THRB: variants seen among roughly 807,000 people sequenced by gnomAD.
THRB encodes thyroid hormone receptor beta, also known as nuclear receptor subfamily 1 group A member 2.
THRB carries 12 observed loss-of-function variants against 47.8 expected under a neutral mutation model. The observed-to-expected ratio is 0.25, with a 90% CI of 0.16 to 0.41. The LOEUF is 0.41. Among genes scored for constraint, THRB ranks in the 10% least tolerant of loss-of-function variants. The probability of loss-of-function intolerance (pLI) is 1.00; values close to 1 mark genes in which losing one functional copy is unlikely to be tolerated. For synonymous variants in THRB, 218 were observed against 212.2 expected (o/e 1.03, Z -0.24); for missense variants, 348 against 589.2 (o/e 0.59, Z 4.24).
chr3:24,228,492 G>C (rs2047911244), intron 4 of THRB, among the ~76,000 whole-genome samples: 1 of 151,814 alleles, frequency 6.6e-6, no homozygotes, highest in African/African-American at 2.4e-5. Context: ...ACATACACCG[G>C]GTGCAGTGGC....
In THRB at chr3:24,165,309, C is replaced by T. The variant is rs146242510; in HGVS notation, c.284-12819G>A. On this transcript the variant is annotated intron_variant, in intron 5 of 10. Coordinates refer to ENST00000646209, the MANE Select transcript of THRB (RefSeq NM_001354712.2). Reference sequence around the variant, plus strand: ...GTGGACTGCATGTAGCAATTGCTGCCGGCAGCTGGGTGCACTTCATATATT... The same window carrying T: ...GTGGACTGCATGTAGCAATTGCTGCTGGCAGCTGGGTGCACTTCATATATT... The T allele has an allele frequency of 3.6e-4, 272 of 764,940 alleles. 1 individual carries two copies. Among genetic ancestry groups the T allele is most frequent in the East Asian group, 2.9e-3 (120 of 41,238 alleles). The allele number at this position is 764,940 out of a possible 1,614,324, so 47.4% of individuals were successfully genotyped here.
At chr3:24,369,158 T>G (rs1253861949) in intron 1 of THRB, among the ~76,000 whole-genome samples, 1 of 152,118 alleles carries the variant, frequency 6.6e-6, no homozygotes. Context: ...AAAGACATCT[T>G]ATATGTTTGC....
chr3:24,303,301 T>C (rs73148368), intron 2 of THRB, among the ~76,000 whole-genome samples: 131 of 152,286 alleles, frequency 8.6e-4, no homozygotes, highest in African/African-American at 3.1e-3. Context: ...GTGAGGTGAG[T>C]GTTTGGGCCA....
At chr3:24,407,855 G>C (rs1318603892) in intron 1 of THRB, among the ~76,000 whole-genome samples, 1 of 151,768 alleles carries the variant, frequency 6.6e-6, no homozygotes, top group African/African-American at 2.4e-5. Flanking sequence ...TCTCATCTTT[G>C]GTGAAATTTG....
intron 1 of THRB, among the ~76,000 whole-genome samples, chr3:24,475,411 A>G (rs1164768257): frequency 6.6e-6 from 1 of 152,164 alleles, no homozygotes; most frequent in Non-Finnish European, 1.5e-5. Flanking sequence ...TTCTTATACT[A>G]ATTTTCAAAT....
intron 3 of THRB, among the ~76,000 whole-genome samples, chr3:24,231,564 T>C (rs1399230807): frequency 6.6e-6 from 1 of 152,180 alleles, no homozygotes; most frequent in Non-Finnish European, 1.5e-5. Flanking sequence ...ATTAATAGTA[T>C]ACTAGTGTTA....
chr3:24,163,677 G>A (rs924267077), intron 5 of THRB, among the ~76,000 whole-genome samples: 10 of 152,152 alleles, frequency 6.6e-5, no homozygotes, highest in Non-Finnish European at 7.4e-5. Context: ...GACTTACCCT[G>A]TGTATCCCTT....
chr3:24,128,137 T>C (rs1046929375), intron 9 of THRB, among the ~76,000 whole-genome samples: 1 of 152,128 alleles, frequency 6.6e-6, no homozygotes, highest in African/African-American at 2.4e-5. Flanking sequence ...TTTTGTTTGT[T>C]TGGTTTTTTG....
intron 3 of THRB, among the ~76,000 whole-genome samples, chr3:24,240,843 C>CTG (rs1559706538): frequency 1.1e-3 from 175 of 152,240 alleles, no homozygotes; most frequent in African/African-American, 4.1e-3. Context: ...TGAGAACCAC[C>CTG]AGCCTGATCC....
intron 1 of THRB, among the ~76,000 whole-genome samples, chr3:24,481,219 G>A (rs981548067): frequency 8.1e-4 from 85 of 104,492 alleles, no homozygotes; most frequent in African/African-American, 3.5e-3. Context: ...GTGTGGATGC[G>A]TTTCTTTCTG....
At chr3:24,379,388 C>G (rs2149826043) in intron 1 of THRB, among the ~76,000 whole-genome samples, 1 of 152,182 alleles carries the variant, frequency 6.6e-6, no homozygotes, top group South Asian at 2.1e-4. Flanking sequence ...GTCAAGGGTA[C>G]AAAATCTTGA....
At chr3:24,267,881 C>T (rs826233) in intron 3 of THRB, among the ~76,000 whole-genome samples, 135,146 of 152,220 alleles carry the variant, frequency 0.89, 60,450 homozygotes, top group African/African-American at 0.97. Context: ...CTGAAGAAAG[C>T]CTTCCTTATC....
At chr3:24,379,293 T>A (rs536208565) in intron 1 of THRB, among the ~76,000 whole-genome samples, 11 of 152,210 alleles carry the variant, frequency 7.2e-5, no homozygotes, top group African/African-American at 2.6e-4. Flanking sequence ...AGCAAAGGTT[T>A]CCAATTAGGT....
intron 8 of THRB, among the ~76,000 whole-genome samples, chr3:24,141,068 G>T (rs1007389541): frequency 2.0e-5 from 3 of 152,214 alleles, no homozygotes; most frequent in Non-Finnish European, 2.9e-5. Context: ...ATTTACATTT[G>T]AATCAAGATG....
intron 3 of THRB, among the ~76,000 whole-genome samples, chr3:24,269,403 GCACACACACACACACACACA>G (rs200586026): frequency 0.012 from 873 of 72,688 alleles, 15 homozygotes; most frequent in African/African-American, 0.036. Context: ...GCGCGCGCGC[GCACACACACACACACACACA>G]CACACACACA....
Position 24,371,631 on chromosome 3 carries a change from C to A in THRB, c.-260-34260G>T, listed in dbSNP as rs150458718. Among the ~76,000 whole-genome samples the A allele has an allele frequency of 7.9e-3, 1,202 of 152,132 alleles. 15 individuals carry two copies. The highest frequency in any genetic ancestry group is 0.027 in the African/African-American group (1,115 of 41,508). On this transcript the variant is annotated intron_variant, in intron 1 of 10. Coordinates refer to ENST00000646209, the MANE Select transcript of THRB (RefSeq NM_001354712.2). Reference sequence around the variant, plus strand: ...ATGTCAAAGACTGTCTAGCTTCTAGCCCCTTCACTAAGGAGAAATGCAGTT... The same window carrying A: ...ATGTCAAAGACTGTCTAGCTTCTAGACCCTTCACTAAGGAGAAATGCAGTT...
At chr3:24,346,882 G>A (rs1559986641) in intron 1 of THRB, among the ~76,000 whole-genome samples, 1 of 152,004 alleles carries the variant, frequency 6.6e-6, no homozygotes, top group Non-Finnish European at 1.5e-5. Flanking sequence ...TATTAAAAAT[G>A]AGTAAGAACG....
At chr3:24,233,644 C>G (rs1358425449) in intron 3 of THRB, among the ~76,000 whole-genome samples, 1 of 128,578 alleles carries the variant, frequency 7.8e-6, no homozygotes, top group African/African-American at 2.7e-5. Context: ...ATTGGTCAGA[C>G]CACATGTGGG....
At chr3:24,332,213 G>A (rs1490969049) in intron 2 of THRB, among the ~76,000 whole-genome samples, 1 of 152,148 alleles carries the variant, frequency 6.6e-6, no homozygotes, top group East Asian at 1.9e-4. Flanking sequence ...TGTTGCTGTT[G>A]TCTAGAATTT....
Sources: allele counts gnomAD v4.1 joint callset (sites outside exome capture counted in the v4.1 genomes callset), GRCh38; gene constraint gnomAD v4.1.1; transcripts MANE v1.5; gene names NCBI Gene and HGNC (gene_info 2026-07-23, HGNC 2026-07-21).